MAPT: variants seen among roughly 807,000 people sequenced by gnomAD.
The protein encoded by MAPT is microtubule associated protein tau.
Under a neutral mutation model 67.9 loss-of-function variants are expected in MAPT, and 34 were observed. That is an observed-to-expected ratio of 0.50 (90% confidence interval 0.38 to 0.67). The LOEUF is 0.67. MAPT is among the 30% of genes least tolerant of loss of function. The pLI is 0.00. For synonymous variants in MAPT, 456 were observed against 464.5 expected (o/e 0.98, Z 0.23); for missense variants, 881 against 1,115.2 (o/e 0.79, Z 2.99).
intron 1 of MAPT, among the ~76,000 whole-genome samples, chr17:45,928,305 T>G (rs2066544556): frequency 6.6e-6 from 1 of 152,210 alleles, no homozygotes; most frequent in African/African-American, 2.4e-5. Context: ...GGAATGTTCT[T>G]TCCTATCCCC....
At chr17:45,945,812 CA>C (rs35924243) in intron 1 of MAPT, among the ~76,000 whole-genome samples, 148,607 of 151,478 alleles carry the variant, frequency 0.98, 72,961 homozygotes, top group South Asian at 1. Context: ...GACGCAATCT[CA>C]AAAAAAAAGA....
chr17:45,920,354 G>T (rs1174940365), intron 1 of MAPT, among the ~76,000 whole-genome samples: 2 of 152,144 alleles, frequency 1.3e-5, no homozygotes, highest in Non-Finnish European at 2.9e-5. Flanking sequence ...TCACCATAAT[G>T]CCCTGTTGAG....
chr17:46,017,299 G>A (rs985869728), intron 11 of MAPT, among the ~76,000 whole-genome samples: 1 of 152,078 alleles, frequency 6.6e-6, no homozygotes, highest in Non-Finnish European at 1.5e-5. Flanking sequence ...TTTAGAGAGG[G>A]ACCCTTCTTC....
chr17:46,006,791 T>G (rs113316734), intron 9 of MAPT, among the ~76,000 whole-genome samples: 19 of 151,604 alleles, frequency 1.3e-4, no homozygotes, highest in African/African-American at 3.9e-4. Flanking sequence ...GGCATGGTGG[T>G]GGGCGCCTGT....
intron 1 of MAPT, among the ~76,000 whole-genome samples, chr17:45,899,891 C>T (rs1486168270): frequency 6.6e-6 from 1 of 152,176 alleles, no homozygotes; most frequent in Non-Finnish European, 1.5e-5. Context: ...TTCTGGACTG[C>T]TCTGCCATAT....
At chr17:46,008,550 T>C (rs781206445) in intron 9 of MAPT, among the ~76,000 whole-genome samples, 40 of 152,210 alleles carry the variant, frequency 2.6e-4, no homozygotes, top group Non-Finnish European at 5.3e-4. Flanking sequence ...GGTTTTTGCT[T>C]TGATGAGCTC....
In MAPT at chr17:45,896,753, A is replaced by G. The variant is rs1487055689; in HGVS notation, c.-18+2067A>G. 1 of 152,208 alleles carries G rather than the reference A, an allele frequency of 6.6e-6. No homozygotes were observed. The highest frequency in any genetic ancestry group is 1.5e-5 in the Non-Finnish European group (1 of 68,056). 9.4% of individuals were successfully genotyped at this position (152,208 alleles called of 1,614,324 possible). ...ATTAATATTATGTCCGTACTGATTAATATTATTTATCTTAAATAAATTTCA... is the reference window on the plus strand; with the variant it reads ...ATTAATATTATGTCCGTACTGATTAGTATTATTTATCTTAAATAAATTTCA... On this transcript the variant is annotated intron_variant, in intron 1 of 12. Coordinates refer to ENST00000262410, the MANE Select transcript of MAPT (RefSeq NM_001377265.1). This position sits in a 1 kb window ranked among gnomAD's most constrained non-coding sequence, Gnocchi z 5.6.
intron 1 of MAPT, among the ~76,000 whole-genome samples, chr17:45,941,754 CCTGGT>C (rs1238481098): frequency 6.9e-6 from 1 of 144,766 alleles, no homozygotes; most frequent in Non-Finnish European, 1.5e-5. Flanking sequence ...TTCCTTCCTT[CCTGGT>C]ATGTGACTAA....
intron 1 of MAPT, among the ~76,000 whole-genome samples, chr17:45,931,493 T>C (rs145420278): frequency 2.0e-5 from 3 of 152,346 alleles, no homozygotes; most frequent in Non-Finnish European, 4.4e-5. Flanking sequence ...TGCAGACTGA[T>C]GTAATATTTT....
intron 9 of MAPT, among the ~76,000 whole-genome samples, chr17:46,004,197 CGGGGCTGT>C (rs940015995): frequency 3.4e-4 from 50 of 147,936 alleles, no homozygotes; most frequent in Middle Eastern, 6.9e-3. Flanking sequence ...GAGGCACGGA[CGGGGCTGT>C]GGGGCTGTGG....
At chr17:45,905,164 C>T (rs2064220358) in intron 1 of MAPT, among the ~76,000 whole-genome samples, 1 of 152,216 alleles carries the variant, frequency 6.6e-6, no homozygotes, top group African/African-American at 2.4e-5. Flanking sequence ...TTTTGCAGAA[C>T]ATCCCTAAAT....
At chr17:45,935,167 C>T (rs1169880323) in intron 1 of MAPT, among the ~76,000 whole-genome samples, 2 of 151,962 alleles carry the variant, frequency 1.3e-5, no homozygotes, top group Non-Finnish European at 2.9e-5. Flanking sequence ...GAGAATTGTC[C>T]CTCCAAAGAT....
In MAPT at chr17:45,909,552, T is replaced by A. The variant is rs544587532; in HGVS notation, c.-18+14866T>A. Among the ~76,000 whole-genome samples the A allele has an allele frequency of 2.6e-5, 4 of 151,782 alleles. No homozygotes were observed. In the South Asian group the frequency reaches 6.3e-4, roughly 24 times the overall value. On this transcript the variant is annotated intron_variant, in intron 1 of 12. Coordinates refer to ENST00000262410, the MANE Select transcript of MAPT (RefSeq NM_001377265.1). ...AAGTTCAAGACCAGCCTGGGCAACATAGCAAAACCCTGTCTCTACTAAAAA... is the reference window on the plus strand; with the variant it reads ...AAGTTCAAGACCAGCCTGGGCAACAAAGCAAAACCCTGTCTCTACTAAAAA...
chr17:45,985,254 A>G (rs930118270), intron 5 of MAPT, among the ~76,000 whole-genome samples: 7 of 152,168 alleles, frequency 4.6e-5, no homozygotes, highest in African/African-American at 1.4e-4. Flanking sequence ...ACAGTGAGCC[A>G]AGATCACACC....
At chr17:45,965,572 C>T (rs2070980717) in intron 2 of MAPT, among the ~76,000 whole-genome samples, 1 of 151,846 alleles carries the variant, frequency 6.6e-6, no homozygotes. Flanking sequence ...CCTACCACCA[C>T]GCCTGGCCAG....
chr17:45,927,255 T>C (rs2066429278), intron 1 of MAPT, among the ~76,000 whole-genome samples: 1 of 152,098 alleles, frequency 6.6e-6, no homozygotes, highest in Non-Finnish European at 1.5e-5. Flanking sequence ...TTTCATTTCT[T>C]TTCTGTTGTG....
At chr17:45,904,312 A>G (rs1180741881) in intron 1 of MAPT, among the ~76,000 whole-genome samples, 1 of 37,566 alleles carries the variant, frequency 2.7e-5, no homozygotes, top group Admixed American at 4.6e-4. Context: ...TATATATAAA[A>G]ACATATATAA....
intron 12 of MAPT, among the ~76,000 whole-genome samples, chr17:46,022,690 C>T (rs957792945): frequency 6.6e-6 from 1 of 152,222 alleles, no homozygotes; most frequent in African/African-American, 2.4e-5. Context: ...GCACTGCTCA[C>T]TTCTCCAGTG....
At chr17:46,014,188 C>G (rs1460529943) in intron 10 of MAPT, 55 bp from the exon 11 acceptor site, 3 of 1,003,270 alleles carry the variant, frequency 3.0e-6, no homozygotes, top group Non-Finnish European at 4.8e-6. Context: ...TTTTGTCTCT[C>G]TGTCTTCCTC....
Sources: allele counts gnomAD v4.1 joint callset (sites outside exome capture counted in the v4.1 genomes callset), GRCh38; gene constraint gnomAD v4.1.1; non-coding constraint Gnocchi (gnomAD v3.1); transcripts MANE v1.5; gene names NCBI Gene and HGNC (gene_info 2026-07-23, HGNC 2026-07-21).